The following NDUFA11 variants were observed in gnomAD, a reference collection of about 807,000 sequenced individuals.
The protein encoded by NDUFA11 is NADH:ubiquinone oxidoreductase subunit A11, also known as NADH dehydrogenase [ubiquinone] 1 alpha subcomplex subunit 11.
A neutral mutation model predicts 11.3 loss-of-function variants in NDUFA11; 14 were observed. The observed-to-expected ratio is 1.24, with a 90% CI of 0.82 to 1.94. The LOEUF is 1.94. Ranked by LOEUF, NDUFA11 falls within the 30% of genes most tolerant of loss-of-function variation. The pLI is 0.00. For missense variants in NDUFA11, 204 were observed against 200.3 expected (o/e 1.02, Z -0.11); for synonymous variants, 87 against 85.6 (o/e 1.02, Z -0.09).
chr19:5,896,388 A>G lies in NDUFA11; in HGVS notation c.313+65T>C. 7.3e-7 allele frequency: 1 copy of G among 1,368,240 alleles called. No homozygotes were observed. The highest frequency in any genetic ancestry group is 9.6e-7 in the Non-Finnish European group (1 of 1,037,532). 84.8% of individuals were successfully genotyped at this position (1,368,240 alleles called of 1,614,324 possible). On this transcript the variant is annotated intron_variant, in intron 3 of 3. Transcript: ENST00000308961. This position sits in a 1 kb window ranked among gnomAD's most constrained non-coding sequence, Gnocchi z 5.8. ...GATGGAACAGAGAGGGTGGAGGATG[A>G]GCAGAGGTCAGGGGTCATTCTGCCA...
chr19:5,893,037 C>T (rs564319648), downstream of NDUFA11: 91 of 1,535,572 alleles, frequency 5.9e-5, 1 homozygote, highest in South Asian at 6.9e-4. This position sits in a 1 kb window ranked among gnomAD's most constrained non-coding sequence, Gnocchi z 4.1. Context: ...TCAGGGAGCC[C>T]GAGGCCCGGG....
chr19:5,891,523 TG>T (rs1395676376), downstream of NDUFA11: 1 of 152,262 alleles, frequency 6.6e-6, no homozygotes, highest in Non-Finnish European at 1.5e-5. Flanking sequence ...CCCAAAGTAC[TG>T]GGATTACAGG....
chr19:5,901,294 G>A (rs781048817), intron 1 of NDUFA11: 2 of 1,263,920 alleles, frequency 1.6e-6, no homozygotes, highest in South Asian at 1.3e-5. Flanking sequence ...CCCCTGGGTG[G>A]CCCCCTTCAG....
Position 5,903,714 on chromosome 19 carries a change from G to T in NDUFA11, c.-6C>A, listed in dbSNP as rs1486574492. ...CGAAAAACCTTCGGCGCCATAGCCC[G>T]CAATCTCGATCCCGCACCACGGACC... is the stretch of plus-strand genomic sequence containing the variant. On this transcript the variant is annotated 5_prime_UTR_variant, in exon 1 of 4. Coordinates refer to ENST00000308961, the MANE Select transcript of NDUFA11 (RefSeq NM_175614.5). The T allele has an allele frequency of 6.4e-7, 1 of 1,551,306 alleles. No individual in the cohort carries two copies. Among genetic ancestry groups the T allele is most frequent in the Non-Finnish European group, 8.7e-7 (1 of 1,146,828 alleles).
downstream of NDUFA11, chr19:5,891,768 C>A (rs992826721): frequency 2.0e-5 from 3 of 152,954 alleles, no homozygotes; most frequent in Non-Finnish European, 2.9e-5. Flanking sequence ...AAAGCCTCTT[C>A]ATCCTTGGGC....
downstream of NDUFA11, chr19:5,893,154 G>T (rs1024471770): frequency 4.6e-6 from 7 of 1,535,956 alleles, no homozygotes; most frequent in Admixed American, 3.9e-5. The surrounding 1 kb of genome is among the most constrained non-coding windows in gnomAD (Gnocchi z 4.1). Flanking sequence ...CGAGGCAGGC[G>T]CTGGAAGAAG....
downstream of NDUFA11, chr19:5,893,004 G>A (rs544312322): frequency 4.2e-5 from 64 of 1,530,472 alleles, no homozygotes; most frequent in South Asian, 2.0e-4. This position sits in a 1 kb window ranked among gnomAD's most constrained non-coding sequence, Gnocchi z 4.1. Context: ...CTCTGGGTGC[G>A]GGGTGGGTGT....
chr19:5,903,542 C>T, intron 1 of NDUFA11, 70 bp downstream of exon 1: 3 of 1,429,920 alleles, frequency 2.1e-6, no homozygotes, highest in Non-Finnish European at 2.9e-6. Context: ...TCGATCCAAA[C>T]AGCCCCCAGT....
chr19:5,902,824 C>T (rs2057654182), intron 1 of NDUFA11, among the ~76,000 whole-genome samples: 2 of 152,076 alleles, frequency 1.3e-5, no homozygotes, highest in South Asian at 2.1e-4. Context: ...GTCTGGCCAA[C>T]ACGGTGAAAC....
At position 5,896,926 on chromosome 19, in the gene NDUFA11, C is replaced by T. The variant is rs768524291; in HGVS notation, c.169G>A (p.Gly57Arg). The T allele has an allele frequency of 4.3e-6, 7 of 1,614,002 alleles. No homozygotes were observed. Among genetic ancestry groups the T allele is most frequent in the Admixed American group, 1.7e-5 (1 of 60,014 alleles). The change falls in exon 2 of 4, where the codon GGA becomes AGA. Residue 57 changes from glycine (G) to arginine (R), a missense_variant. Coordinates refer to ENST00000308961, the MANE Select transcript of NDUFA11 (RefSeq NM_175614.5). This position sits in a 1 kb window ranked among gnomAD's most constrained non-coding sequence, Gnocchi z 5.8. ...TCACCTGCAGTGAACGTGTATTGTC[C>T]AACCTTAGCCACTCCTTCAAGGAAG... ...GTFLEGVAKV[G>R]QYTFTAAAVG...
At chr19:5,897,732 C>T (rs553768089) in intron 1 of NDUFA11, among the ~76,000 whole-genome samples, 424 of 152,354 alleles carry the variant, frequency 2.8e-3, no homozygotes, top group African/African-American at 1.0e-2. Flanking sequence ...TGGGCCGGGG[C>T]CGGGCCCAGA....
chr19:5,902,120 C>A (rs999758788), intron 1 of NDUFA11, among the ~76,000 whole-genome samples: 4 of 149,694 alleles, frequency 2.7e-5, no homozygotes, highest in Non-Finnish European at 4.4e-5. Context: ...GGACTACAGG[C>A]ACCCGCCATC....
chr19:5,900,196 C>G (rs1287282027), intron 1 of NDUFA11, among the ~76,000 whole-genome samples: 5 of 152,142 alleles, frequency 3.3e-5, no homozygotes, highest in Non-Finnish European at 5.9e-5. Context: ...TCAAAAGGCC[C>G]CCTTCCCTCT....
At chr19:5,894,035 G>A (rs115977630), downstream of NDUFA11, among the ~76,000 whole-genome samples, 867 of 152,216 alleles carry the variant, frequency 5.7e-3, 10 homozygotes, top group African/African-American at 0.02. Context: ...GAAGGGGCCC[G>A]GGGTGGTGCC....
downstream of NDUFA11, among the ~76,000 whole-genome samples, chr19:5,894,015 C>T (rs2057592449): frequency 6.6e-6 from 1 of 152,180 alleles, no homozygotes; most frequent in Non-Finnish European, 1.5e-5. Flanking sequence ...GAGCATGAGC[C>T]AGTTCTGGAG....
chr19:5,892,256 G>T (rs74500071), downstream of NDUFA11: 21,678 of 153,280 alleles, frequency 0.14, 1,617 homozygotes, highest in Non-Finnish European at 0.17. Context: ...GCGAAGGGGC[G>T]TGCGGCCTTT....
Position 5,896,697 on chromosome 19 carries a change from A to G in NDUFA11, c.191-122T>C, listed in dbSNP as rs758983239. 6 of 1,451,148 alleles carry G rather than the reference A, an allele frequency of 4.1e-6. 1 individual carries two copies. The South Asian group carries it at 4.8e-5, about 12-fold the overall frequency. 89.9% of individuals were successfully genotyped at this position (1,451,148 alleles called of 1,614,324 possible). A position where few individuals can be genotyped will look rare whatever the true frequency, so the allele number is the denominator to read the frequency against. On this transcript the variant is annotated intron_variant, in intron 2 of 3. Coordinates refer to ENST00000308961, the MANE Select transcript of NDUFA11 (RefSeq NM_175614.5). The surrounding 1 kb of genome is among the most constrained non-coding windows in gnomAD (Gnocchi z 5.8). The stretch of plus-strand genomic sequence containing the variant: ...GAGTCGGCTGCTCGCTGTGCATGGC[A>G]GCCTCCTGGCCCCAGTCCTGGAGCT...
chr19:5,893,387 C>A, downstream of NDUFA11: 2 of 612,966 alleles, frequency 3.3e-6, no homozygotes, highest in Admixed American at 5.5e-5. This position sits in a 1 kb window ranked among gnomAD's most constrained non-coding sequence, Gnocchi z 4.1. Context: ...GTCGCATAAG[C>A]CAGGAAGGTC....
chr19:5,892,899 G>A (rs1465819777), downstream of NDUFA11: 12 of 1,431,410 alleles, frequency 8.4e-6, no homozygotes, highest in Non-Finnish European at 1.0e-5. Context: ...GTCCTCTGAG[G>A]ACAGAACAAG....
Sources: gnomAD v4.1 joint callset for allele counts (sites outside exome capture counted in the v4.1 genomes callset) on GRCh38, gnomAD v4.1.1 for gene constraint, Gnocchi (gnomAD v3.1) non-coding constraint, MANE v1.5 for transcripts, NCBI Gene and HGNC (gene_info 2026-07-23, HGNC 2026-07-21) for gene names.